Variants in NRG3 observed in about 807,000 individuals in gnomAD.
The protein encoded by NRG3 is neuregulin 3, also known as pro-neuregulin-3, membrane-bound isoform.
Under a neutral mutation model 66.9 loss-of-function variants are expected in NRG3, and 31 were observed. The ratio of observed to expected loss-of-function variants is 0.46; its 90% CI spans 0.35 to 0.63. The LOEUF is 0.63. Among genes scored for constraint, NRG3 ranks in the 20% least tolerant of loss-of-function variants. The probability of loss-of-function intolerance (pLI) is 0.00; values close to 1 mark genes in which losing one functional copy is unlikely to be tolerated. For synonymous variants in NRG3, 393 were observed against 359.4 expected (o/e 1.09, Z -1.06); for missense variants, 910 against 878.9 (o/e 1.04, Z -0.45).
intron 1 of NRG3, among the ~76,000 whole-genome samples, chr10:82,150,281 G>A (rs948424267): frequency 1.3e-5 from 2 of 152,064 alleles, no homozygotes; most frequent in African/African-American, 4.8e-5. Context: ...GCTGGCAGGT[G>A]TTGCAAACAT....
chr10:82,790,942 A>G (rs1267931273), intron 3 of NRG3, among the ~76,000 whole-genome samples: 4 of 151,580 alleles, frequency 2.6e-5, no homozygotes, highest in African/African-American at 7.3e-5. Flanking sequence ...TAATTTCTAT[A>G]TAATTATTAA....
chr10:82,280,454 T>G (rs2079067673), intron 1 of NRG3, among the ~76,000 whole-genome samples: 1 of 152,228 alleles, frequency 6.6e-6, no homozygotes, highest in African/African-American at 2.4e-5. Context: ...TGCTTATTCA[T>G]TATACCCTAC....
At chr10:82,909,179 C>T (rs952400164) in intron 4 of NRG3, among the ~76,000 whole-genome samples, 4 of 152,202 alleles carry the variant, frequency 2.6e-5, no homozygotes, top group Non-Finnish European at 5.9e-5. Flanking sequence ...CACTAAACAG[C>T]TATGAAGTAA....
At chr10:81,960,623 C>T (rs930932493) in intron 1 of NRG3, among the ~76,000 whole-genome samples, 1 of 151,376 alleles carries the variant, frequency 6.6e-6, no homozygotes, top group Non-Finnish European at 1.5e-5. Flanking sequence ...TTAGAACAAA[C>T]TAATTCTGGT....
chr10:82,045,177 C>A (rs1237469949), intron 1 of NRG3, among the ~76,000 whole-genome samples: 2 of 73,050 alleles, frequency 2.7e-5, no homozygotes, highest in Non-Finnish European at 6.5e-5. Context: ...GTTTACAGTC[C>A]CACCAACAGT....
chr10:82,396,749 A>T (rs973953332), intron 2 of NRG3, among the ~76,000 whole-genome samples: 1 of 152,132 alleles, frequency 6.6e-6, no homozygotes, highest in Non-Finnish European at 1.5e-5. Context: ...GTGTTATTTA[A>T]TTAAACTGTG....
At chr10:82,363,262 A>T (rs2084303522) in intron 2 of NRG3, among the ~76,000 whole-genome samples, 1 of 152,210 alleles carries the variant, frequency 6.6e-6, no homozygotes, top group Non-Finnish European at 1.5e-5. Flanking sequence ...CTCACAGAGA[A>T]ATGCAAATTA....
At chr10:82,822,287 G>A (rs1369178438) in intron 3 of NRG3, among the ~76,000 whole-genome samples, 1 of 151,982 alleles carries the variant, frequency 6.6e-6, no homozygotes, top group Non-Finnish European at 1.5e-5. Context: ...AGACTACCGG[G>A]AAGCTCCTGC....
chr10:82,892,695 A>C (rs9325543), intron 4 of NRG3, among the ~76,000 whole-genome samples: 69,233 of 151,016 alleles, frequency 0.46, 16,244 homozygotes, highest in East Asian at 0.66. Context: ...AAATAAATAA[A>C]TAAATAAATA....
chr10:82,159,849 G>T (rs938445822), intron 1 of NRG3, among the ~76,000 whole-genome samples: 13 of 151,980 alleles, frequency 8.6e-5, no homozygotes, highest in African/African-American at 2.9e-4. Context: ...AAAAGGAAAA[G>T]ATGCATAATT....
intron 1 of NRG3, among the ~76,000 whole-genome samples, chr10:81,977,009 C>G (rs1312874719): frequency 6.6e-6 from 1 of 152,062 alleles, no homozygotes. Flanking sequence ...TTTCAGAATA[C>G]CCAGAAGTTT....
At chr10:82,956,800 A>G (rs1850093041) in intron 5 of NRG3, among the ~76,000 whole-genome samples, 1 of 151,898 alleles carries the variant, frequency 6.6e-6, no homozygotes, top group Non-Finnish European at 1.5e-5. Flanking sequence ...TGTGGCTGTA[A>G]CATGCTCCTT....
chr10:82,742,779 C>T (rs1357630417), intron 3 of NRG3, among the ~76,000 whole-genome samples: 2 of 152,114 alleles, frequency 1.3e-5, no homozygotes, highest in African/African-American at 4.8e-5. Context: ...TAGACTCCTG[C>T]CCTGGTTTTC....
At chr10:82,077,446 A>G (rs1227480125) in intron 1 of NRG3, among the ~76,000 whole-genome samples, 5 of 152,238 alleles carry the variant, frequency 3.3e-5, no homozygotes, top group African/African-American at 1.2e-4. Flanking sequence ...ATTTCATGCA[A>G]GGTATAGTTC....
At chr10:82,971,965 T>C (rs1397623447) in intron 6 of NRG3, among the ~76,000 whole-genome samples, 1 of 152,174 alleles carries the variant, frequency 6.6e-6, no homozygotes, top group East Asian at 1.9e-4. Flanking sequence ...TTTTCTCTGT[T>C]GTTTTTAAAT....
chr10:82,547,418 CAT>C (rs992995995), intron 2 of NRG3, among the ~76,000 whole-genome samples: 1 of 150,136 alleles, frequency 6.7e-6, no homozygotes, highest in African/African-American at 2.5e-5. Context: ...TATATACATA[CAT>C]ATGTGTGTAT....
intron 1 of NRG3, among the ~76,000 whole-genome samples, chr10:81,933,107 C>CA (rs769607380): frequency 0.034 from 1,992 of 58,714 alleles, 21 homozygotes; most frequent in Middle Eastern, 0.083. Flanking sequence ...CGCTCCATCT[C>CA]AAAAAAAAAA....
At chr10:82,885,741 C>T (rs1842667146) in intron 4 of NRG3, among the ~76,000 whole-genome samples, 1 of 152,138 alleles carries the variant, frequency 6.6e-6, no homozygotes, top group African/African-American at 2.4e-5. Context: ...AATGAATCCC[C>T]TTTTGAGACG....
At chr10:82,731,642 T>C (rs2057912407) in intron 2 of NRG3, among the ~76,000 whole-genome samples, 1 of 152,248 alleles carries the variant, frequency 6.6e-6, no homozygotes, top group Non-Finnish European at 1.5e-5. Flanking sequence ...TGTGTATATG[T>C]AGATACCATA....
Sources: allele counts gnomAD v4.1 joint callset (sites outside exome capture counted in the v4.1 genomes callset), GRCh38; gene constraint gnomAD v4.1.1; transcripts MANE v1.5; gene names NCBI Gene and HGNC (gene_info 2026-07-23, HGNC 2026-07-21).